PIK3CA: variants seen among roughly 807,000 people sequenced by gnomAD.
The protein encoded by PIK3CA is phosphatidylinositol 4,5-bisphosphate 3-kinase catalytic subunit alpha isoform.
Under a neutral mutation model 138.2 loss-of-function variants are expected in PIK3CA, and 27 were observed. The ratio of observed to expected loss-of-function variants is 0.20; its 90% confidence interval spans 0.14 to 0.27. PIK3CA has a LOEUF of 0.27. Among genes scored for constraint, PIK3CA ranks in the 10% least tolerant of loss-of-function variants. PIK3CA has a pLI of 1.00. For synonymous variants in PIK3CA, 358 were observed against 413.2 expected, an observed-to-expected ratio of 0.87 and a Z score of 1.62; for missense variants, 544 against 1,277.4, an observed-to-expected ratio of 0.43 and a Z score of 8.75.
rs201911086 is a variant in PIK3CA at position 179,234,355 on chromosome 3, A to G, written c.3198A>G (p.Ala1066=). 134 of 1,606,192 alleles carry G rather than the reference A, an allele frequency of 8.3e-5. No individual in the cohort carries two copies. Among genetic ancestry groups the G allele is most frequent in the Non-Finnish European group, 1.6e-5 (19 of 1,174,424 alleles). Residue 1066 remains alanine (A), a synonymous_variant, in exon 21 of 21, where the codon GCA becomes GCG. Coordinates refer to ENST00000263967, the MANE Select transcript of PIK3CA (RefSeq NM_006218.4). This position sits in a 1 kb window ranked among gnomAD's most constrained non-coding sequence, Gnocchi z 5.1. ...TCTTCCACACAATTAAACAGCATGC[A>G]TTGAACTGAAAAGATAACTGAGAAA... is the stretch of plus-strand genomic sequence containing the variant. ...DWIFHTIKQH[A]LN
intron 1 of PIK3CA, among the ~76,000 whole-genome samples, chr3:179,186,195 G>A (rs1723978022): frequency 6.6e-6 from 1 of 152,222 alleles, no homozygotes; most frequent in Admixed American, 6.5e-5. Context: ...AGAGAGGACA[G>A]AGACTAAATA....
intron 3 of PIK3CA, among the ~76,000 whole-genome samples, chr3:179,200,150 G>C (rs967900126): frequency 3.3e-5 from 5 of 151,864 alleles, no homozygotes; most frequent in Non-Finnish European, 7.4e-5. Context: ...GAAGAAGTAT[G>C]AGTTTGAAAT....
At chr3:179,175,526 C>T (rs529276802) in intron 1 of PIK3CA, among the ~76,000 whole-genome samples, 11 of 152,082 alleles carry the variant, frequency 7.2e-5, no homozygotes, top group Admixed American at 1.3e-4. Context: ...CGGAAGTATC[C>T]TTGCCTTTTT....
At chr3:179,209,489 G>A in intron 6 of PIK3CA, 106 bp from the exon 7 acceptor site, 6 of 600,700 alleles carry the variant, frequency 1.0e-5, no homozygotes, top group Admixed American at 5.3e-5. Flanking sequence ...TCTCTTTCCT[G>A]TTTTTCGTTT....
chr3:179,204,649 A>G (rs1331685599), intron 6 of PIK3CA, 61 bp downstream of exon 6: 3 of 778,694 alleles, frequency 3.9e-6, no homozygotes, highest in African/African-American at 1.7e-5. Context: ...AGTATGATCC[A>G]TAAAAGTAGT....
chr3:179,201,274 T>C lies in PIK3CA; in HGVS notation c.563-16T>C, dbSNP rs2108389237. 1 of 1,596,848 alleles carries C rather than the reference T, an allele frequency of 6.3e-7. No homozygotes were observed. Reference sequence around the variant, plus strand: ...AAAGAGAGATGGTGATTGCATCTAATGTTTTCCTGTTATAGGGCAAATAAT... The same window carrying C: ...AAAGAGAGATGGTGATTGCATCTAACGTTTTCCTGTTATAGGGCAAATAAT... On this transcript the variant is annotated splice_polypyrimidine_tract_variant and intron_variant, in intron 3 of 20. Coordinates refer to ENST00000263967, the MANE Select transcript of PIK3CA (RefSeq NM_006218.4).
intron 1 of PIK3CA, among the ~76,000 whole-genome samples, chr3:179,186,976 C>A (rs74603313): frequency 0.037 from 5,653 of 152,066 alleles, 115 homozygotes; most frequent in Admixed American, 0.041. Context: ...ACTTAAATAC[C>A]TTAGGATTGT....
Position 179,240,086 on chromosome 3 carries a change from A to G in PIK3CA, c.*5722A>G, listed in dbSNP as rs1436816385. ...CACGCTGTTTATTAAAAAAAAAAAG[A>G]AAAATTACTTTTTGTGTCCAAACAA... On this transcript the variant is annotated 3_prime_UTR_variant, in exon 21 of 21. Coordinates refer to ENST00000263967, the MANE Select transcript of PIK3CA (RefSeq NM_006218.4). 2.0e-6 allele frequency: 3 copies of G among 1,481,530 alleles called. No homozygotes were observed. The East Asian group carries it at 7.4e-5, about 37-fold the overall frequency. The allele number at this position is 1,481,530 out of a possible 1,614,324, so 91.8% of individuals were successfully genotyped here. A position where few individuals can be genotyped will look rare whatever the true frequency, so the allele number is the denominator to read the frequency against.
chr3:179,196,630 C>G (rs572226694), intron 1 of PIK3CA, among the ~76,000 whole-genome samples: 1 of 152,314 alleles, frequency 6.6e-6, no homozygotes. Flanking sequence ...GCTAAAAAGG[C>G]TAATAATTTC....
chr3:179,164,440 G>T (rs1723364133), intron 1 of PIK3CA, among the ~76,000 whole-genome samples: 1 of 152,148 alleles, frequency 6.6e-6, no homozygotes. Context: ...GGAAAAATGT[G>T]GGAAGCACTC....
intron 1 of PIK3CA, among the ~76,000 whole-genome samples, chr3:179,196,687 A>G (rs1362573476): frequency 1.3e-5 from 2 of 152,220 alleles, no homozygotes; most frequent in East Asian, 1.9e-4. Flanking sequence ...ACTCTGAAGC[A>G]TACCATAATT....
intron 9 of PIK3CA, among the ~76,000 whole-genome samples, chr3:179,217,913 C>A (rs1380351386): frequency 6.6e-6 from 1 of 152,034 alleles, no homozygotes; most frequent in Non-Finnish European, 1.5e-5. Context: ...TCACTACCAT[C>A]CTCTAGTATC....
In PIK3CA at chr3:179,220,815, A is replaced by C. The variant is rs565293487; in HGVS notation, c.2016-171A>C. Among the ~76,000 whole-genome samples, 15 of 152,278 alleles carry C rather than the reference A, an allele frequency of 9.9e-5. No homozygotes were observed. Among genetic ancestry groups the C allele is most frequent in the African/African-American group, 3.6e-4 (15 of 41,560 alleles). The stretch of plus-strand genomic sequence containing the variant: ...ATCACATATTCAGGAACTACCTGAA[A>C]CTCATGGTGGTTTTGTTTCTAAATT... On this transcript the variant is annotated intron_variant, in intron 13 of 20. Coordinates refer to ENST00000263967, the MANE Select transcript of PIK3CA (RefSeq NM_006218.4). This position sits in a 1 kb window ranked among gnomAD's most constrained non-coding sequence, Gnocchi z 4.1.
chr3:179,175,147 T>C (rs1384975973), intron 1 of PIK3CA, among the ~76,000 whole-genome samples: 3 of 152,322 alleles, frequency 2.0e-5, no homozygotes, highest in African/African-American at 7.2e-5. Context: ...GACTACCTCA[T>C]TCTATAGGAG....
chr3:179,206,337 G>T (rs1724560876), intron 6 of PIK3CA, among the ~76,000 whole-genome samples: 1 of 152,114 alleles, frequency 6.6e-6, no homozygotes, highest in South Asian at 2.1e-4. Flanking sequence ...GGGATTACAG[G>T]CCTGAGCCAT....
At chr3:179,168,821 C>T (rs7641889) in intron 1 of PIK3CA, among the ~76,000 whole-genome samples, 12,995 of 152,050 alleles carry the variant, frequency 0.085, 597 homozygotes, top group African/African-American at 0.11. Context: ...TCCCAAATGT[C>T]TAGCCGTTTC....
At chr3:179,183,983 C>T (rs563026078) in intron 1 of PIK3CA, among the ~76,000 whole-genome samples, 1 of 151,786 alleles carries the variant, frequency 6.6e-6, no homozygotes, top group South Asian at 2.1e-4. Flanking sequence ...AAAGCAAGGT[C>T]CTTCTAGTAT....
In PIK3CA at chr3:179,237,570, T is replaced by C. The variant is rs1231891191; in HGVS notation, c.*3206T>C. 4.8e-6 allele frequency: 1 copy of C among 207,650 alleles called. No homozygotes were observed. The highest frequency in any genetic ancestry group is 9.8e-6 in the Non-Finnish European group (1 of 101,738). The allele number at this position is 207,650 out of a possible 1,614,324, so 12.9% of individuals were successfully genotyped here. ...ACTGTATATGCCCTCTTGGATTTTA[T>C]TTTAAATGGATTGGTGACTTTCACA... is the stretch of plus-strand genomic sequence containing the variant. On this transcript the variant is annotated 3_prime_UTR_variant, in exon 21 of 21. Coordinates refer to ENST00000263967, the MANE Select transcript of PIK3CA (RefSeq NM_006218.4).
At chr3:179,216,517 A>G (rs2108406481) in intron 9 of PIK3CA, among the ~76,000 whole-genome samples, 1 of 152,344 alleles carries the variant, frequency 6.6e-6, no homozygotes, top group South Asian at 2.1e-4. Context: ...GATGATATAG[A>G]AATAAAATAA....
Sources: allele counts gnomAD v4.1 joint callset (sites outside exome capture counted in the v4.1 genomes callset), GRCh38; gene constraint gnomAD v4.1.1; non-coding constraint Gnocchi (gnomAD v3.1); transcripts MANE v1.5; gene names NCBI Gene and HGNC (gene_info 2026-07-23, HGNC 2026-07-21).